Variants in ESR1 observed in about 807,000 individuals in gnomAD.
ESR1 encodes estrogen receptor.
Under a neutral mutation model 52.7 loss-of-function variants are expected in ESR1, and 12 were observed. That is an observed-to-expected ratio of 0.23 (90% confidence interval 0.15 to 0.37). The LOEUF (loss-of-function observed/expected upper bound fraction) is 0.37. ESR1 is among the 10% of genes least tolerant of loss of function. The pLI, the probability that ESR1 is intolerant of heterozygous loss-of-function variation, is 1.00. For missense variants in ESR1, 584 were observed against 779.7 expected (o/e 0.75, Z 2.99); for synonymous variants, 305 against 316.8 (o/e 0.96, Z 0.39).
Position 151,708,085 on chromosome 6 carries a change from T to C in ESR1, c.-71+6080T>C, listed in dbSNP as rs376281477. On this transcript the variant is annotated intron_variant, in intron 2 of 2. Transcript: ENST00000404742. ...GTATCCTCTACTCTTTTCTCCATGC[T>C]CACACAACCCAATATTTACACATGC... Among the ~76,000 whole-genome samples the C allele has an allele frequency of 5.9e-5, 9 of 152,240 alleles. No individual in the cohort carries two copies. In the East Asian group the frequency reaches 1.7e-3, roughly 29 times the overall value.
At chr6:152,009,476 C>T (rs569516769) in intron 4 of ESR1, among the ~76,000 whole-genome samples, 6 of 152,184 alleles carry the variant, frequency 3.9e-5, no homozygotes, top group African/African-American at 1.4e-4. Context: ...AAAAGATGTG[C>T]AACCTTATTA....
chr6:151,813,654 T>A (rs1163316328), intron 1 of ESR1, among the ~76,000 whole-genome samples: 1 of 149,500 alleles, frequency 6.7e-6, no homozygotes, highest in Non-Finnish European at 1.5e-5. Flanking sequence ...GACTGAAAAT[T>A]TTTTGTCTCT....
At chr6:152,080,361 AAAG>A (rs1389735404) in intron 6 of ESR1, among the ~76,000 whole-genome samples, 5 of 152,306 alleles carry the variant, frequency 3.3e-5, no homozygotes, top group Non-Finnish European at 7.4e-5. Context: ...ATTCTTAAAA[AAAG>A]AAGAATTTTC....
intron 2 of ESR1, among the ~76,000 whole-genome samples, chr6:151,722,330 G>T (rs1781518351): frequency 6.6e-6 from 1 of 152,214 alleles, no homozygotes; most frequent in Middle Eastern, 3.2e-3. Context: ...GAACAGGGAA[G>T]AAACACGGTG....
intron 6 of ESR1, among the ~76,000 whole-genome samples, chr6:152,089,221 ACTT>A (rs1369834660): frequency 1.3e-5 from 2 of 152,370 alleles, no homozygotes; most frequent in African/African-American, 4.8e-5. Flanking sequence ...ACAAAAATGG[ACTT>A]CTTATCATGT....
At chr6:151,940,201 A>C (rs1265636291) in intron 3 of ESR1, among the ~76,000 whole-genome samples, 2 of 152,146 alleles carry the variant, frequency 1.3e-5, no homozygotes, top group African/African-American at 4.8e-5. Context: ...ATCAGATCTC[A>C]TGAGACTTAT....
intron 1 of ESR1, among the ~76,000 whole-genome samples, chr6:151,665,538 C>T (rs1032847675): frequency 5.3e-5 from 8 of 152,150 alleles, no homozygotes; most frequent in African/African-American, 1.4e-4. Flanking sequence ...AGATTTTGAC[C>T]ACGTGTGCAC....
At chr6:151,695,144 C>T (rs138722691) in intron 1 of ESR1, among the ~76,000 whole-genome samples, 1 of 152,296 alleles carries the variant, frequency 6.6e-6, no homozygotes, top group East Asian at 1.9e-4. Flanking sequence ...GCTTCCCTAG[C>T]CTTTCTGTTG....
At chr6:151,909,279 G>A (rs922923234) in intron 3 of ESR1, among the ~76,000 whole-genome samples, 1 of 152,190 alleles carries the variant, frequency 6.6e-6, no homozygotes, top group Non-Finnish European at 1.5e-5. Context: ...TTACAGCGAG[G>A]CAAAAGAGTA....
chr6:151,686,689 AAACC>A (rs35551206), upstream of ESR1, among the ~76,000 whole-genome samples: 15,283 of 126,544 alleles, frequency 0.12, 846 homozygotes, highest in African/African-American at 0.2. Context: ...CTCCATCTCA[AAACC>A]AACCAACCAA....
chr6:151,667,494 C>A (rs1777872956), intron 1 of ESR1, among the ~76,000 whole-genome samples: 1 of 152,224 alleles, frequency 6.6e-6, no homozygotes, highest in Non-Finnish European at 1.5e-5. Context: ...TAAGACTCCC[C>A]TCCAGCACAG....
At chr6:152,022,796 A>G (rs1209878211) in intron 5 of ESR1, among the ~76,000 whole-genome samples, 1 of 142,380 alleles carries the variant, frequency 7.0e-6, no homozygotes, top group Admixed American at 6.7e-5. Context: ...ACATGGAGAA[A>G]CCCTGTCTCT....
At chr6:152,108,412 C>T (rs1458821794) in intron 6 of ESR1, among the ~76,000 whole-genome samples, 2 of 152,210 alleles carry the variant, frequency 1.3e-5, no homozygotes, top group African/African-American at 4.8e-5. Flanking sequence ...ATAAACATTT[C>T]TCAGATTGTT....
chr6:151,968,148 C>T (rs904024001), intron 4 of ESR1, among the ~76,000 whole-genome samples: 10 of 151,954 alleles, frequency 6.6e-5, no homozygotes, highest in South Asian at 4.2e-4. Flanking sequence ...TTTGACAAAC[C>T]GGACAAAAAC....
intron 2 of ESR1, among the ~76,000 whole-genome samples, chr6:151,783,083 C>A (rs1371198642): frequency 6.6e-6 from 1 of 152,214 alleles, no homozygotes; most frequent in African/African-American, 2.4e-5. Context: ...ATAGTTCCAG[C>A]AACCACTTGT....
At chr6:151,894,902 T>G (rs1795240627) in intron 3 of ESR1, among the ~76,000 whole-genome samples, 1 of 151,892 alleles carries the variant, frequency 6.6e-6, no homozygotes, top group African/African-American at 2.4e-5. Flanking sequence ...ATTTTAGGAT[T>G]TTTTTTCTAG....
chr6:151,957,995 C>T (rs964731194), intron 4 of ESR1, among the ~76,000 whole-genome samples: 12 of 152,200 alleles, frequency 7.9e-5, no homozygotes, highest in African/African-American at 2.9e-4. Flanking sequence ...ACTGGAGCTT[C>T]AGCCATCACA....
chr6:151,753,616 C>G (rs577768452), intron 2 of ESR1, among the ~76,000 whole-genome samples: 1 of 152,142 alleles, frequency 6.6e-6, no homozygotes, highest in South Asian at 2.1e-4. Context: ...CCGTGCCCAG[C>G]CTGATTGTGT....
intron 5 of ESR1, among the ~76,000 whole-genome samples, chr6:152,052,646 G>A (rs2046779935): frequency 2.6e-5 from 4 of 152,030 alleles, no homozygotes; most frequent in Admixed American, 2.6e-4. Flanking sequence ...TCACAGCACA[G>A]AGGAAAAGCA....
Sources: allele counts gnomAD v4.1 joint callset (sites outside exome capture counted in the v4.1 genomes callset), GRCh38; gene constraint gnomAD v4.1.1; transcripts MANE v1.5; gene names NCBI Gene and HGNC (gene_info 2026-07-23, HGNC 2026-07-21).